AGMO: variants seen among roughly 807,000 people sequenced by gnomAD.
AGMO encodes alkylglycerol monooxygenase.
In AGMO, 75 loss-of-function variants were observed where a neutral mutation model predicts 60.2. That is an observed-to-expected ratio of 1.25 (90% CI 1.03 to 1.51). The LOEUF is 1.51. Among genes scored for constraint, AGMO ranks in the 40% most tolerant of loss-of-function variants. The pLI is 0.00. For synonymous variants in AGMO, 261 were observed against 177.1 expected (o/e 1.47, Z -3.76); for missense variants, 763 against 525.5 (o/e 1.45, Z -4.42).
chr7:15,346,038 G>A (rs988154428), intron 12 of AGMO, among the ~76,000 whole-genome samples: 2 of 152,062 alleles, frequency 1.3e-5, no homozygotes, highest in Non-Finnish European at 2.9e-5. Context: ...AAAGCAAAGA[G>A]ATAGTCATTG....
chr7:15,536,116 A>G (rs150772498), intron 3 of AGMO, among the ~76,000 whole-genome samples: 2,202 of 152,046 alleles, frequency 0.014, 57 homozygotes, highest in African/African-American at 0.05. Context: ...AGTATTAACT[A>G]TCTGACAGTC....
At chr7:15,168,488 T>C in the AGMO span, among the ~76,000 whole-genome samples, 3 of 152,190 alleles carry the variant, frequency 2.0e-5, no homozygotes, top group Admixed American at 6.5e-5. Flanking sequence ...ATTATTACCA[T>C]GCATCCAGAG....
chr7:15,290,507 T>C (rs1022892178), intron 12 of AGMO, among the ~76,000 whole-genome samples: 2 of 152,226 alleles, frequency 1.3e-5, no homozygotes, highest in African/African-American at 2.4e-5. Context: ...CTCATTATTA[T>C]CTTCTTACTA....
In AGMO at chr7:15,463,927, C is replaced by A. The variant is rs986049477; in HGVS notation, c.410-32819G>T. Among the ~76,000 whole-genome samples, 3 of 152,148 alleles carry A rather than the reference C, an allele frequency of 2.0e-5. No homozygotes were observed. In the South Asian group the frequency reaches 6.2e-4, roughly 32 times the overall value. ...TTCTAAGTCTGGATAAAACCCGATG[C>A]TGTAAGATTGAGAAATCACCTTCAG... On this transcript the variant is annotated intron_variant, in intron 3 of 12. Transcript: ENST00000342526.
At chr7:15,387,624 G>A (rs143127552) in intron 8 of AGMO, 84 bp from the exon 9 acceptor site, 2 of 1,267,316 alleles carry the variant, frequency 1.6e-6, no homozygotes, top group African/African-American at 3.5e-5. Context: ...TTATTTTATT[G>A]TTCAAGGTAA....
the AGMO span, among the ~76,000 whole-genome samples, chr7:15,180,400 G>C: frequency 6.6e-6 from 1 of 151,848 alleles, no homozygotes; most frequent in Non-Finnish European, 1.5e-5. Context: ...TAAAGTCCTA[G>C]AACATGAACA....
chr7:15,269,892 A>G (rs910184247), intron 12 of AGMO, among the ~76,000 whole-genome samples: 1 of 152,070 alleles, frequency 6.6e-6, no homozygotes, highest in Admixed American at 6.6e-5. Flanking sequence ...CTATCTCACT[A>G]AGGATAAGGG....
chr7:15,411,131 A>G (rs1298302696), intron 5 of AGMO, among the ~76,000 whole-genome samples: 5 of 151,884 alleles, frequency 3.3e-5, no homozygotes, highest in Non-Finnish European at 7.4e-5. Flanking sequence ...TTTGCACCCT[A>G]TTTGCTCTCC....
the AGMO span, among the ~76,000 whole-genome samples, chr7:15,117,940 G>A: frequency 1.3e-5 from 2 of 151,670 alleles, no homozygotes; most frequent in African/African-American, 2.4e-5. Flanking sequence ...TTGAAACTGC[G>A]AAGTTTGATG....
At chr7:15,446,068 G>A (rs780342412) in intron 3 of AGMO, among the ~76,000 whole-genome samples, 9 of 152,032 alleles carry the variant, frequency 5.9e-5, no homozygotes, top group South Asian at 2.1e-4. Context: ...CAAAACTATC[G>A]TACATGTGAT....
At position 15,402,097 on chromosome 7, in the gene AGMO, C is replaced by T. The variant is rs75366174; in HGVS notation, c.610-7918G>A. The stretch of plus-strand genomic sequence containing the variant: ...ATGAAAATCTTTGTCATGTTAGATT[C>T]AGCTGAGAAAGATATGCTTAAAATG... On this transcript the variant is annotated intron_variant, in intron 5 of 12. Transcript: ENST00000342526. Among the ~76,000 whole-genome samples the T allele has an allele frequency of 4.0e-3, 612 of 152,058 alleles. 1 individual carries two copies. The highest frequency in any genetic ancestry group is 0.014 in the African/African-American group (594 of 41,506).
chr7:15,155,437 TTTTTTTTTTTTTG>T, the AGMO span, among the ~76,000 whole-genome samples: 1 of 143,698 alleles, frequency 7.0e-6, no homozygotes, highest in East Asian at 2.0e-4. Context: ...TTTTTTTTTT[TTTTTTTTTTTTTG>T]CATTCTGAAA....
the AGMO span, among the ~76,000 whole-genome samples, chr7:15,167,397 C>G: frequency 1.1e-4 from 17 of 152,188 alleles, no homozygotes; most frequent in East Asian, 1.7e-3. Flanking sequence ...TATGAAGAGA[C>G]TTATATTCAA....
intron 8 of AGMO, 120 bp downstream of exon 8, chr7:15,390,551 G>A (rs1296130399): frequency 9.4e-6 from 6 of 636,228 alleles, no homozygotes; most frequent in East Asian, 3.0e-5. Flanking sequence ...TTTTTTAACA[G>A]TTAAAAATTT....
chr7:15,220,708 A>G (rs1419136356), intron 12 of AGMO, among the ~76,000 whole-genome samples: 1 of 152,002 alleles, frequency 6.6e-6, no homozygotes, highest in Non-Finnish European at 1.5e-5. Context: ...TTATTTCAAA[A>G]CCATTTAAAT....
intron 12 of AGMO, among the ~76,000 whole-genome samples, chr7:15,248,734 G>A (rs890704575): frequency 1.3e-5 from 2 of 152,128 alleles, no homozygotes; most frequent in Non-Finnish European, 1.5e-5. Flanking sequence ...GACAGGAAAT[G>A]GTGCTGAATG....
intron 3 of AGMO, among the ~76,000 whole-genome samples, chr7:15,500,379 C>A (rs1042923932): frequency 6.6e-6 from 1 of 151,816 alleles, no homozygotes; most frequent in Non-Finnish European, 1.5e-5. Flanking sequence ...GTATTAATGT[C>A]ATTAGGAACC....
Position 15,538,303 on chromosome 7 carries a change from G to T in AGMO, c.409+6469C>A, listed in dbSNP as rs1784530289. Among the ~76,000 whole-genome samples the T allele has an allele frequency of 2.0e-5, 3 of 152,100 alleles. No individual in the cohort carries two copies. In the South Asian group the frequency reaches 6.2e-4, roughly 32 times the overall value. On this transcript the variant is annotated intron_variant, in intron 3 of 12. Coordinates refer to ENST00000342526, the MANE Select transcript of AGMO (RefSeq NM_001004320.2). ...GCTGGAGTACAGTGGCACACTCATA[G>T]CTCACTGGAGCCTAAAATTCCTGGG...
chr7:15,346,814 A>C (rs1782051012), intron 12 of AGMO, among the ~76,000 whole-genome samples: 2 of 151,560 alleles, frequency 1.3e-5, no homozygotes, highest in East Asian at 2.0e-4. Flanking sequence ...ACTGTATCTT[A>C]TTATTATGAT....
Sources: gnomAD v4.1 joint callset for allele counts (sites outside exome capture counted in the v4.1 genomes callset) on GRCh38, gnomAD v4.1.1 for gene constraint, MANE v1.5 for transcripts, NCBI Gene and HGNC (gene_info 2026-07-23, HGNC 2026-07-21) for gene names.